Variants in SRPRA observed in about 807,000 individuals in gnomAD.
SRPRA encodes signal recognition particle receptor subunit alpha.
SRPRA carries 30 observed loss-of-function variants against 61.1 expected under a neutral mutation model. The ratio of observed to expected loss-of-function variants is 0.49; its 90% CI spans 0.37 to 0.67. The LOEUF (loss-of-function observed/expected upper bound fraction) is 0.67, where lower values mean the gene tolerates loss of function less well. SRPRA is among the 30% of genes least tolerant of loss of function. SRPRA has a pLI of 0.00. For missense variants in SRPRA, 759 were observed against 828.4 expected, an observed-to-expected ratio of 0.92 and a Z score of 1.03; for synonymous variants, 324 against 299.7, an observed-to-expected ratio of 1.08 and a Z score of -0.84.
chr11:126,237,703 A>G, the SRPRA span, among the ~76,000 whole-genome samples: 2 of 141,852 alleles, frequency 1.4e-5, no homozygotes, highest in Non-Finnish European at 3.1e-5. Flanking sequence ...AAAAAAAAAA[A>G]AAAATTAGCG....
rs146400745 is a variant in SRPRA, at chr11:126,264,969, G to C, written c.1515C>G (p.Ala505=). 6.2e-7 allele frequency: 1 copy of C among 1,613,724 alleles called. No homozygotes were observed. Among genetic ancestry groups the C allele is most frequent in the African/African-American group, 1.3e-5 (1 of 74,924 alleles). ...GKDAAGIAME[A]IAFARNQGFD... Reference sequence around the variant, plus strand: ...TCCCATGCACTGTACCAAAAGCAATGGCTTCCATGGCAATGCCAGCAGCAT... The same window carrying C: ...TCCCATGCACTGTACCAAAAGCAATCGCTTCCATGGCAATGCCAGCAGCAT... The change falls in exon 11 of 14, where the codon GCC becomes GCG. Residue 505 remains alanine (A), a synonymous_variant. Coordinates refer to ENST00000332118, the MANE Select transcript of SRPRA (RefSeq NM_003139.4). The surrounding 1 kb of genome is among the most constrained non-coding windows in gnomAD (Gnocchi z 5.0).
Position 126,267,229 on chromosome 11 carries a change from C to T in SRPRA, c.472G>A (p.Glu158Lys). Residue 158 changes from glutamate to lysine, a missense_variant, in exon 4 of 14, where the codon GAA (glutamate) becomes AAA (lysine). Coordinates refer to ENST00000332118, the MANE Select transcript of SRPRA (RefSeq NM_003139.4). This position sits in a 1 kb window ranked among gnomAD's most constrained non-coding sequence, Gnocchi z 4.2. ...TTCTTTGCTTTTTCCTTGGGCTTTT[C>T]CCCCCGTGTCTCAATCATGGACCTC... ...PVRSMIETRG[E>K]KPKEKAKNSK... The T allele has an allele frequency of 1.2e-6, 2 of 1,614,058 alleles. No individual in the cohort carries two copies. Among genetic ancestry groups the T allele is most frequent in the Non-Finnish European group, 1.7e-6 (2 of 1,180,010 alleles).
At chr11:126,257,157 C>T in the SRPRA span, among the ~76,000 whole-genome samples, 1 of 152,198 alleles carries the variant, frequency 6.6e-6, no homozygotes, top group Admixed American at 6.5e-5. Flanking sequence ...GAAGAAAGAT[C>T]ACCCAATTTT....
intron 4 of SRPRA, 22 bp from the exon 5 acceptor site, chr11:126,266,944 G>A (rs1565347098): frequency 6.2e-7 from 1 of 1,601,722 alleles, no homozygotes; most frequent in African/African-American, 1.4e-5. Context: ...AAAACTCACT[G>A]AAGAAAAAAG....
chr11:126,253,909 G>A, the SRPRA span, among the ~76,000 whole-genome samples: 1 of 152,170 alleles, frequency 6.6e-6, no homozygotes, highest in Non-Finnish European at 1.5e-5. This position sits in a 1 kb window ranked among gnomAD's most constrained non-coding sequence, Gnocchi z 5.1. Context: ...CTAAAAGCAA[G>A]CCATGTGGTT....
At chr11:126,244,459 C>A in the SRPRA span, among the ~76,000 whole-genome samples, 1 of 152,154 alleles carries the variant, frequency 6.6e-6, no homozygotes, top group South Asian at 2.1e-4. The surrounding 1 kb of genome is among the most constrained non-coding windows in gnomAD (Gnocchi z 4.5). Context: ...ATTAAAAATT[C>A]TTCCACTTGG....
rs370637063 is a variant in SRPRA at position 126,268,727 on chromosome 11, G to A, written c.78C>T (p.Thr26=). ...AACGAATCAACGCGTTAACGGGTCC[G>A]GTGCATGAGTCGCTAACGCCCTGGA... The part of the protein sequence containing the change: ...WCFQGVSDSC[T]GPVNALIRSV... Residue 26 remains threonine (T), a synonymous_variant, in exon 1 of 14, where the codon ACC becomes ACT. Coordinates refer to ENST00000332118, the MANE Select transcript of SRPRA (RefSeq NM_003139.4). 6.2e-7 allele frequency: 1 copy of A among 1,613,750 alleles called. No individual in the cohort carries two copies. Among genetic ancestry groups the A allele is most frequent in the African/African-American group, 1.3e-5 (1 of 74,928 alleles).
rs962862255 is a variant in SRPRA at position 126,267,817 on chromosome 11, C to T, written c.202-105G>A. ...TCAGAGATAGGTTCAGCTACCTGGC[C>T]GGTTTCCCTGTCCTGAGAGGCAGCC... On this transcript the variant is annotated intron_variant, in intron 2 of 13. Coordinates refer to ENST00000332118, the MANE Select transcript of SRPRA (RefSeq NM_003139.4). This position sits in a 1 kb window ranked among gnomAD's most constrained non-coding sequence, Gnocchi z 4.2. The T allele has an allele frequency of 3.3e-6, 5 of 1,519,314 alleles. No homozygotes were observed. Among genetic ancestry groups the T allele is most frequent in the Admixed American group, 1.8e-5 (1 of 54,810 alleles). The allele number at this position is 1,519,314 out of a possible 1,614,324, so 94.1% of individuals were successfully genotyped here.
At chr11:126,236,765 T>C in the SRPRA span, among the ~76,000 whole-genome samples, 1 of 152,056 alleles carries the variant, frequency 6.6e-6, no homozygotes, top group Admixed American at 6.6e-5. Context: ...CTTTATTTTT[T>C]TCCCCCCCAT....
At chr11:126,262,729 T>C (rs1950727678), downstream of SRPRA, 1 of 152,512 alleles carries the variant, frequency 6.6e-6, no homozygotes, top group Non-Finnish European at 1.5e-5. Flanking sequence ...TTAATTTTAA[T>C]AACCCAAAGT....
downstream of SRPRA, chr11:126,262,321 T>C: frequency 5.0e-6 from 3 of 594,514 alleles, no homozygotes; most frequent in South Asian, 6.1e-5. Context: ...TTCTTGATAT[T>C]CTGCCGCCTG....
chr11:126,238,972 C>CTT, the SRPRA span, among the ~76,000 whole-genome samples: 1,269 of 129,832 alleles, frequency 9.8e-3, 18 homozygotes, highest in Non-Finnish European at 0.014. Flanking sequence ...AAGTGGAAGT[C>CTT]TTTTTTTTTT....
At chr11:126,236,920 T>C in the SRPRA span, among the ~76,000 whole-genome samples, 2 of 127,456 alleles carry the variant, frequency 1.6e-5, no homozygotes, top group South Asian at 5.2e-4. Flanking sequence ...ACAGATGCTT[T>C]TTTTTTTTTT....
chr11:126,260,001 T>C (rs1950655325), downstream of SRPRA, among the ~76,000 whole-genome samples: 1 of 152,138 alleles, frequency 6.6e-6, no homozygotes, highest in Admixed American at 6.5e-5. Flanking sequence ...ATTACAGGCG[T>C]GAGCCACTGT....
downstream of SRPRA, among the ~76,000 whole-genome samples, chr11:126,258,744 A>G (rs144787470): frequency 6.9e-4 from 105 of 152,350 alleles, no homozygotes; most frequent in East Asian, 0.018. Context: ...CAAGTTCTAC[A>G]TATTTCTTTT....
the SRPRA span, among the ~76,000 whole-genome samples, chr11:126,256,256 A>T: frequency 1.3e-5 from 2 of 152,166 alleles, no homozygotes; most frequent in Non-Finnish European, 2.9e-5. This position sits in a 1 kb window ranked among gnomAD's most constrained non-coding sequence, Gnocchi z 6.6. Flanking sequence ...AAAGAGTGAG[A>T]CTCCGTCTCA....
At chr11:126,255,212 G>A in the SRPRA span, among the ~76,000 whole-genome samples, 1 of 152,282 alleles carries the variant, frequency 6.6e-6, no homozygotes, top group Admixed American at 6.5e-5. This position sits in a 1 kb window ranked among gnomAD's most constrained non-coding sequence, Gnocchi z 4.6. Flanking sequence ...CTTTTGGGAT[G>A]CACATTTTCG....
At chr11:126,236,539 AC>A in the SRPRA span, among the ~76,000 whole-genome samples, 3 of 152,040 alleles carry the variant, frequency 2.0e-5, no homozygotes, top group Non-Finnish European at 4.4e-5. Context: ...ATTCTCAGTA[AC>A]CTGAAATTTC....
At chr11:126,246,938 G>C in the SRPRA span, among the ~76,000 whole-genome samples, 1 of 152,112 alleles carries the variant, frequency 6.6e-6, no homozygotes, top group Non-Finnish European at 1.5e-5. Flanking sequence ...AGGGTCATCT[G>C]CTTTAAGAGA....
Sources: gnomAD v4.1 joint callset for allele counts (sites outside exome capture counted in the v4.1 genomes callset) on GRCh38, gnomAD v4.1.1 for gene constraint, Gnocchi (gnomAD v3.1) non-coding constraint, MANE v1.5 for transcripts, NCBI Gene and HGNC (gene_info 2026-07-23, HGNC 2026-07-21) for gene names.